Variants in C10orf90 observed in about 807,000 individuals in gnomAD.
C10orf90 encodes the protein (E2-independent) E3 ubiquitin-conjugating enzyme FATS.
C10orf90 carries 56 observed loss-of-function variants against 62.5 expected under a neutral mutation model. That is an observed-to-expected ratio of 0.90 (90% CI 0.72 to 1.12). The LOEUF (loss-of-function observed/expected upper bound fraction) is 1.12. Ranked by LOEUF, C10orf90 falls within the 50% of genes most tolerant of loss-of-function variation. C10orf90 has a pLI of 0.00. For synonymous variants in C10orf90, 386 were observed against 340.4 expected, an observed-to-expected ratio of 1.13 and a Z score of -1.47; for missense variants, 970 against 880.4, an observed-to-expected ratio of 1.10 and a Z score of -1.29.
chr10:126,521,421 C>T (rs923685425), intron 2 of C10orf90: 25 of 1,583,428 alleles, frequency 1.6e-5, no homozygotes, highest in Non-Finnish European at 2.1e-5. Flanking sequence ...CGGAGTTTAC[C>T]TCTGTGGCTA....
chr10:126,667,312 C>A (rs1846651115), intron 1 of C10orf90, among the ~76,000 whole-genome samples: 1 of 152,036 alleles, frequency 6.6e-6, no homozygotes, highest in African/African-American at 2.4e-5. Flanking sequence ...CCCACCTCAG[C>A]CTCCCAAAGT....
chr10:126,425,635 A>T lies in C10orf90; in HGVS notation c.*229T>A, dbSNP rs556469779. 153 of 574,922 alleles carry T rather than the reference A, an allele frequency of 2.7e-4. No individual in the cohort carries two copies. Among genetic ancestry groups the T allele is most frequent in the Non-Finnish European group, 3.5e-4 (116 of 328,572 alleles). The allele number at this position is 574,922 out of a possible 1,614,324, so 35.6% of individuals were successfully genotyped here. A position where few individuals can be genotyped will look rare whatever the true frequency, so the allele number is the denominator to read the frequency against. The stretch of plus-strand genomic sequence containing the variant: ...AAGGGGACTGTATCCAGTGGGTTAC[A>T]TGGAGGTGGTTTCCCCACAACAGAT... On this transcript the variant is annotated 3_prime_UTR_variant, in exon 10 of 10. Transcript: ENST00000488181.
chr10:126,659,073 C>G (rs576055723), intron 1 of C10orf90, among the ~76,000 whole-genome samples: 101 of 152,336 alleles, frequency 6.6e-4, no homozygotes, highest in African/African-American at 2.4e-3. Flanking sequence ...AACTACAGAG[C>G]TTTCCTACTT....
At chr10:126,568,566 T>C (rs1196849786) in intron 2 of C10orf90, among the ~76,000 whole-genome samples, 1 of 152,182 alleles carries the variant, frequency 6.6e-6, no homozygotes, top group Non-Finnish European at 1.5e-5. Flanking sequence ...TTCGATTAAC[T>C]CAACCTCAAA....
chr10:126,435,907 C>T (rs1175099380), intron 7 of C10orf90, among the ~76,000 whole-genome samples: 1 of 152,126 alleles, frequency 6.6e-6, no homozygotes. Context: ...AATATCCCTG[C>T]CTTTTCCCAC....
chr10:126,430,669 T>A (rs961971602), intron 7 of C10orf90, among the ~76,000 whole-genome samples: 1 of 152,174 alleles, frequency 6.6e-6, no homozygotes, highest in Non-Finnish European at 1.5e-5. Flanking sequence ...GCAACTGCCG[T>A]GCTTCCTAAA....
At chr10:126,646,349 G>A (rs939153934) in intron 2 of C10orf90, among the ~76,000 whole-genome samples, 2 of 152,214 alleles carry the variant, frequency 1.3e-5, no homozygotes. Context: ...TGAAGTCACC[G>A]CTGTGCCTGT....
intron 2 of C10orf90, among the ~76,000 whole-genome samples, chr10:126,557,010 TA>T (rs200947401): frequency 0.23 from 30,860 of 131,832 alleles, 3,306 homozygotes; most frequent in East Asian, 0.25. Context: ...TTAATCAATT[TA>T]AAAAAAAAAA....
At chr10:126,433,887 C>A (rs1164428713) in intron 7 of C10orf90, among the ~76,000 whole-genome samples, 2 of 152,102 alleles carry the variant, frequency 1.3e-5, no homozygotes, top group Non-Finnish European at 2.9e-5. Context: ...TGTTCTAATT[C>A]CCTGATATGG....
rs1209667732 is a variant in C10orf90, at chr10:126,459,044, C to T, written c.2184G>A (p.Leu728=). The T allele has an allele frequency of 5.6e-6, 9 of 1,611,346 alleles. No individual in the cohort carries two copies. In the African/African-American group the frequency reaches 8.0e-5, roughly 14 times the overall value. ...CACAAGCCACCTGCAGCTTACCACT[C>T]AGAGGATGGGGAATCGTGAACTGCT... ...SKKQFTIPHP[L]SDNLFKPKER... Residue 728 remains leucine (L), a synonymous_variant, in exon 7 of 10, where the codon CTG becomes CTA. Coordinates refer to ENST00000488181, the MANE Select transcript of C10orf90 (RefSeq NM_001350921.2).
chr10:126,593,110 T>C (rs186010263), intron 2 of C10orf90, among the ~76,000 whole-genome samples: 8 of 152,328 alleles, frequency 5.3e-5, no homozygotes, highest in Admixed American at 3.9e-4. Flanking sequence ...AATTCAACCA[T>C]TGTGGAAGAC....
At chr10:126,487,142 CAAAAAAAAA>C (rs1158481155) in intron 4 of C10orf90, among the ~76,000 whole-genome samples, 46 of 29,460 alleles carry the variant, frequency 1.6e-3, no homozygotes, top group African/African-American at 5.5e-3. Context: ...AAAACTCTGT[CAAAAAAAAA>C]AAAAAAAAAA....
intron 2 of C10orf90, among the ~76,000 whole-genome samples, chr10:126,589,469 A>G (rs1389637722): frequency 1.3e-5 from 2 of 152,222 alleles, no homozygotes; most frequent in African/African-American, 4.8e-5. Context: ...AGGCCAGGTC[A>G]CCTACAAAGG....
chr10:126,475,042 C>T (rs1165329321), intron 4 of C10orf90, among the ~76,000 whole-genome samples: 2 of 152,204 alleles, frequency 1.3e-5, no homozygotes, highest in Non-Finnish European at 2.9e-5. Flanking sequence ...TTCAGATAAT[C>T]AATTCTGACT....
At chr10:126,649,784 C>T (rs779644793) in intron 1 of C10orf90, among the ~76,000 whole-genome samples, 1 of 152,180 alleles carries the variant, frequency 6.6e-6, no homozygotes, top group African/African-American at 2.4e-5. Context: ...TTCCTCCTCA[C>T]CCAACCAGGT....
At position 126,464,923 on chromosome 10, in the gene C10orf90, G is replaced by A. The variant is rs1564811261; in HGVS notation, c.1598C>T (p.Ser533Phe). The A allele has an allele frequency of 1.9e-6, 3 of 1,613,350 alleles. No individual in the cohort carries two copies. Among genetic ancestry groups the A allele is most frequent in the South Asian group, 2.2e-5 (2 of 91,076 alleles). Residue 533 changes from serine (S) to phenylalanine (F), a missense_variant, in exon 5 of 10, where the codon TCT becomes TTT. Ser to Phe is a radical substitution (Grantham distance 155). Transcript: ENST00000488181. ...RQQGEVCMTV[S>F]APPVEQKPTR... is the part of the protein sequence containing the mutation. ...GGGCTTCTGTTCCACTGGAGGAGCA[G>A]ACACAGTCATACATACTTCTCCTTG...
chr10:126,608,978 CA>C (rs1228449147), intron 2 of C10orf90, among the ~76,000 whole-genome samples: 1 of 152,108 alleles, frequency 6.6e-6, no homozygotes, highest in Non-Finnish European at 1.5e-5. Context: ...GAGTTCTGAC[CA>C]AAAACTTAGA....
chr10:126,468,711 C>A (rs1435703583), intron 4 of C10orf90, among the ~76,000 whole-genome samples: 1 of 152,148 alleles, frequency 6.6e-6, no homozygotes, highest in Admixed American at 6.5e-5. Flanking sequence ...CCTGTGGAAA[C>A]CCATGCAGGG....
chr10:126,431,918 C>T (rs191762861), intron 7 of C10orf90, among the ~76,000 whole-genome samples: 51 of 152,232 alleles, frequency 3.4e-4, no homozygotes, highest in African/African-American at 1.0e-3. Flanking sequence ...TTCCTCAACT[C>T]GGCTCAGCCT....
Sources: gnomAD v4.1 joint callset for allele counts (sites outside exome capture counted in the v4.1 genomes callset) on GRCh38, gnomAD v4.1.1 for gene constraint, MANE v1.5 for transcripts, NCBI Gene and HGNC (gene_info 2026-07-23, HGNC 2026-07-21) for gene names.